Variants in HEPHL1 observed in about 807,000 individuals in gnomAD.
The protein encoded by HEPHL1 is ferroxidase HEPHL1.
HEPHL1 carries 123 observed loss-of-function variants against 122.0 expected under a neutral mutation model. The ratio of observed to expected loss-of-function variants is 1.01; its 90% CI spans 0.87 to 1.17. The LOEUF (loss-of-function observed/expected upper bound fraction) is 1.17. Ranked by LOEUF, HEPHL1 falls within the 50% of genes most tolerant of loss-of-function variation. HEPHL1 has a pLI of 0.00. For missense variants in HEPHL1, 1,452 were observed against 1,430.5 expected, an observed-to-expected ratio of 1.01 and a Z score of -0.24; for synonymous variants, 527 against 508.9, an observed-to-expected ratio of 1.04 and a Z score of -0.48.
Position 94,045,681 on chromosome 11 carries a change from C to A in HEPHL1, c.179C>A (p.Thr60Asn). ...GKSFTEDKLA[T>N]LFLERGPNRI... ...TTTCTTCTTACTTTTAGACTTGCAA[C>A]CTTATTTCTCGAAAGAGGGCCCAAC... The change falls in exon 2 of 20, where the codon ACC (threonine) becomes AAC (asparagine). Residue 60 changes from threonine (T) to asparagine (N), a missense_variant. By Grantham distance (65) the Thr-to-Asn change is moderately conservative (BLOSUM62 0). Transcript: ENST00000315765. 6.2e-7 allele frequency: 1 copy of A among 1,602,942 alleles called. No individual in the cohort carries two copies. Among genetic ancestry groups the A allele is most frequent in the Non-Finnish European group, 8.5e-7 (1 of 1,174,676 alleles).
intron 12 of HEPHL1, among the ~76,000 whole-genome samples, chr11:94,091,921 G>A (rs1184470446): frequency 6.6e-6 from 1 of 152,200 alleles, no homozygotes; most frequent in Non-Finnish European, 1.5e-5. Flanking sequence ...GCTAGTGATG[G>A]GAAATGAGGC....
intron 10 of HEPHL1, among the ~76,000 whole-genome samples, chr11:94,085,080 G>T (rs1946205059): frequency 6.6e-6 from 1 of 152,174 alleles, no homozygotes; most frequent in Admixed American, 6.5e-5. Flanking sequence ...GAGAGCAGGA[G>T]GGGGGTAGAA....
chr11:94,096,600 C>T (rs984384754), intron 13 of HEPHL1, among the ~76,000 whole-genome samples: 13 of 152,176 alleles, frequency 8.5e-5, no homozygotes, highest in South Asian at 4.1e-4. Flanking sequence ...ATGGTACCAG[C>T]TCCTCCTTGT....
chr11:94,037,149 C>A (rs534909049), intron 1 of HEPHL1, among the ~76,000 whole-genome samples: 1 of 152,126 alleles, frequency 6.6e-6, no homozygotes, highest in East Asian at 1.9e-4. Context: ...CCGAATATTG[C>A]GCTTTTCAGA....
At chr11:94,037,928 C>T (rs546589031) in intron 1 of HEPHL1, among the ~76,000 whole-genome samples, 21 of 150,998 alleles carry the variant, frequency 1.4e-4, no homozygotes, top group East Asian at 3.9e-4. Flanking sequence ...CTCTGAGCTA[C>T]GGGAGGACAT....
At position 94,093,592 on chromosome 11, in the gene HEPHL1, G is replaced by A. The variant is rs879040268; in HGVS notation, c.2386G>A (p.Val796Met). The stretch of plus-strand genomic sequence containing the variant: ...CAGGGAATATACGGATGGAGAATTT[G>A]TGGAGATCAAAGCCCGACCACCACG... ...VYREYTDGEF[V>M]EIKARPPREE... Residue 796 changes from valine (V) to methionine (M), a missense_variant, in exon 13 of 20, where the codon GTG becomes ATG. Transcript: ENST00000315765. The A allele has an allele frequency of 6.2e-7, 1 of 1,613,608 alleles. No individual in the cohort carries two copies.
At chr11:94,072,281 C>T (rs1048635672) in intron 6 of HEPHL1, among the ~76,000 whole-genome samples, 9 of 152,024 alleles carry the variant, frequency 5.9e-5, no homozygotes, top group African/African-American at 2.2e-4. Flanking sequence ...TAATGGGCTC[C>T]ACCCAGTGTG....
At chr11:94,075,038 T>C in intron 8 of HEPHL1, 136 bp from the exon 9 acceptor site, 1 of 666,570 alleles carries the variant, frequency 1.5e-6, no homozygotes, top group Non-Finnish European at 2.6e-6. Flanking sequence ...TCTGGTAGGA[T>C]ACATAAGAGA....
rs1946008322 is a variant in HEPHL1, at chr11:94,063,706, TG to T, written c.616del (p.Val206SerfsTer7). The T allele has an allele frequency of 6.2e-7, 1 of 1,613,490 alleles. No individual in the cohort carries two copies. The highest frequency in any genetic ancestry group is 1.3e-5 in the African/African-American group (1 of 74,880). On this transcript the variant is annotated frameshift_variant, in exon 3 of 20. Transcript: ENST00000315765. LOFTEE classifies it high-confidence loss of function. ...DICSGLIGPLLVCKEGILNRY... is the reference protein window; with the variant it reads ...DICSGLIGPLXVCKEGILNRY... ...TGCTCTGGGCTAATTGGGCCCCTGC[TG>T]GTCTGCAAGGAAGGTAAGGAGCTTT...
In HEPHL1 at chr11:94,036,752, C is replaced by T. The variant is rs558202571; in HGVS notation, c.171-8921C>T. On this transcript the variant is annotated intron_variant, in intron 1 of 19. Transcript: ENST00000315765. ...TAGTCTGGAGGCTGAGGCAGGAGAA[C>T]GGTGTGAACCCGGAAGGCGGAGGTT... Among the ~76,000 whole-genome samples, 91 of 148,654 alleles carry T rather than the reference C, an allele frequency of 6.1e-4. 1 individual carries two copies. The Middle Eastern group carries it at 0.014, about 23-fold the overall frequency.
chr11:94,046,107 T>TTTTTTTTTTTTTTG (rs1945835595), intron 2 of HEPHL1, among the ~76,000 whole-genome samples, 190 bp downstream of exon 2: 1 of 132,748 alleles, frequency 7.5e-6, no homozygotes, highest in Non-Finnish European at 1.6e-5. Flanking sequence ...TTTTTTTTTT[T>TTTTTTTTTTTTTTG]TTTTTGAGAG....
intron 2 of HEPHL1, among the ~76,000 whole-genome samples, chr11:94,061,189 G>T (rs1314331296): frequency 6.6e-6 from 1 of 152,166 alleles, no homozygotes; most frequent in Non-Finnish European, 1.5e-5. Context: ...CCCTGGAAAA[G>T]GTTGCATTTG....
At chr11:94,031,329 GT>G (rs1224768001) in intron 1 of HEPHL1, among the ~76,000 whole-genome samples, 14 of 105,012 alleles carry the variant, frequency 1.3e-4, no homozygotes, top group African/African-American at 4.7e-4. Context: ...AATGTGCATT[GT>G]TACACACACA....
chr11:94,089,591 G>T (rs935269059), intron 12 of HEPHL1, among the ~76,000 whole-genome samples: 2 of 152,198 alleles, frequency 1.3e-5, no homozygotes, highest in Non-Finnish European at 2.9e-5. Context: ...AGCCTTGTAA[G>T]CATTGCTCCT....
At position 94,070,385 on chromosome 11, in the gene HEPHL1, G is replaced by A. The variant is rs766368496; in HGVS notation, c.1075G>A (p.Gly359Arg). The A allele has an allele frequency of 6.3e-7, 1 of 1,593,922 alleles. No individual in the cohort carries two copies. Among genetic ancestry groups the A allele is most frequent in the African/African-American group, 1.3e-5 (1 of 74,586 alleles). ...CCTCTGTTCTGCAGCTGGTATGCTGGGGCAATACAATGTTGATAACTGCAA... is the reference window on the plus strand; with the variant it reads ...CCTCTGTTCTGCAGCTGGTATGCTGAGGCAATACAATGTTGATAACTGCAA... ...VSDHLQAGML[G>R]QYNVDNCKSD... The change falls in exon 6 of 20, where the codon GGG becomes AGG. Residue 359 changes from glycine (G) to arginine (R), a missense_variant. Gly to Arg is a moderately radical substitution (Grantham distance 125). Transcript: ENST00000315765.
At chr11:94,046,401 C>T (rs1945839144) in intron 2 of HEPHL1, among the ~76,000 whole-genome samples, 1 of 151,010 alleles carries the variant, frequency 6.6e-6, no homozygotes, top group Non-Finnish European at 1.5e-5. Flanking sequence ...CCCGGCTCCC[C>T]TTCATGCTTT....
chr11:94,076,303 G>A (rs1287654013), intron 9 of HEPHL1, among the ~76,000 whole-genome samples: 2 of 152,120 alleles, frequency 1.3e-5, no homozygotes, highest in Non-Finnish European at 2.9e-5. Flanking sequence ...AAGAAACTAA[G>A]GCTCAGAGAC....
intron 12 of HEPHL1, 117 bp downstream of exon 12, chr11:94,089,085 G>A (rs1946243302): frequency 2.1e-6 from 2 of 952,320 alleles, no homozygotes; most frequent in South Asian, 1.5e-5. Context: ...CCGGCCGACA[G>A]AGACTTTTAC....
At position 94,073,397 on chromosome 11, in the gene HEPHL1, G is replaced by A. The variant is rs886819086; in HGVS notation, c.1462G>A (p.Val488Met). 6.4e-6 allele frequency: 10 copies of A among 1,563,618 alleles called. No individual in the cohort carries two copies. Among genetic ancestry groups the A allele is most frequent in the Middle Eastern group, 3.3e-4 (2 of 6,012 alleles). ...DKVYSILPHG[V>M]IYDKASDAAP... The stretch of plus-strand genomic sequence containing the variant: ...GGTCTATAGCATTTTACCCCATGGT[G>A]TGATCTATGACAAGGCATCTGATGC... The change falls in exon 8 of 20, where the codon GTG (valine) becomes ATG (methionine). Residue 488 changes from valine (V) to methionine (M), a missense_variant. Transcript: ENST00000315765.
Sources: gnomAD v4.1 joint callset for allele counts (sites outside exome capture counted in the v4.1 genomes callset) on GRCh38, gnomAD v4.1.1 for gene constraint, MANE v1.5 for transcripts, NCBI Gene and HGNC (gene_info 2026-07-23, HGNC 2026-07-21) for gene names.